Variants in CEP63 observed in about 807,000 individuals in gnomAD.
CEP63 encodes centrosomal protein 63.
In CEP63, 84 loss-of-function variants were observed where a neutral mutation model predicts 89.1. That is an observed-to-expected ratio of 0.94 (90% CI 0.79 to 1.13). The LOEUF (loss-of-function observed/expected upper bound fraction) is 1.13, where lower values mean the gene tolerates loss of function less well. Among genes scored for constraint, CEP63 ranks in the 50% most tolerant of loss-of-function variants. The probability of loss-of-function intolerance (pLI) is 0.00; values close to 1 mark genes in which losing one functional copy is unlikely to be tolerated. For missense variants in CEP63, 838 were observed against 813.3 expected (o/e 1.03, Z -0.37); for synonymous variants, 267 against 272.5 (o/e 0.98, Z 0.20).
the CEP63 span, among the ~76,000 whole-genome samples, chr3:134,745,539 T>A: frequency 6.6e-6 from 1 of 152,194 alleles, no homozygotes; most frequent in East Asian, 1.9e-4. Flanking sequence ...TTTTTTAAAA[T>A]TATTATTATT....
the CEP63 span, among the ~76,000 whole-genome samples, chr3:134,742,378 G>T: frequency 6.6e-6 from 1 of 152,172 alleles, no homozygotes; most frequent in East Asian, 1.9e-4. Context: ...AGGAACATGG[G>T]TGTGGGTGGG....
At chr3:134,637,922 T>A in the CEP63 span, among the ~76,000 whole-genome samples, 1 of 152,232 alleles carries the variant, frequency 6.6e-6, no homozygotes, top group African/African-American at 2.4e-5. Flanking sequence ...GCCCAGATGC[T>A]CCAGCCATCA....
At chr3:134,523,550 T>G (rs1947972143) in intron 3 of CEP63, among the ~76,000 whole-genome samples, 1 of 152,206 alleles carries the variant, frequency 6.6e-6, no homozygotes, top group Admixed American at 6.5e-5. Context: ...TTAATCCATC[T>G]TGAGTTAATT....
intron 12 of CEP63, chr3:134,552,377 A>G (rs1289887591): frequency 2.4e-5 from 4 of 165,666 alleles, no homozygotes; most frequent in Non-Finnish European, 5.3e-5. Context: ...CTGATGTTGT[A>G]TTTTCAGTAG....
the CEP63 span, among the ~76,000 whole-genome samples, chr3:134,703,337 G>C: frequency 1.3e-5 from 2 of 149,606 alleles, no homozygotes; most frequent in Non-Finnish European, 3.0e-5. Context: ...TGTGTTTATT[G>C]CAGCACTATT....
At chr3:134,504,793 T>C (rs566454142) in intron 2 of CEP63, among the ~76,000 whole-genome samples, 1 of 152,284 alleles carries the variant, frequency 6.6e-6, no homozygotes, top group East Asian at 1.9e-4. Context: ...TTCTTTTTTC[T>C]TTTTTATTCT....
At chr3:134,694,810 T>G in the CEP63 span, among the ~76,000 whole-genome samples, 4 of 152,234 alleles carry the variant, frequency 2.6e-5, no homozygotes, top group Non-Finnish European at 5.9e-5. Context: ...AAGTTTTTCT[T>G]TCTCAGCATG....
At chr3:134,572,019 G>A (rs1448409295) in intron 11 of CEP63, among the ~76,000 whole-genome samples, 1 of 152,170 alleles carries the variant, frequency 6.6e-6, no homozygotes, top group African/African-American at 2.4e-5. Context: ...TTCAGTCAGA[G>A]GTTATTGAAA....
chr3:134,689,658 TG>T, the CEP63 span, among the ~76,000 whole-genome samples: 6 of 152,028 alleles, frequency 3.9e-5, no homozygotes, highest in African/African-American at 2.4e-5. Flanking sequence ...TTTGCAATGT[TG>T]GTTAGGCTGG....
the CEP63 span, among the ~76,000 whole-genome samples, chr3:134,748,063 C>T: frequency 6.6e-6 from 1 of 152,166 alleles, no homozygotes; most frequent in Non-Finnish European, 1.5e-5. Flanking sequence ...GGATTACAGG[C>T]ATGAGCCACC....
chr3:134,545,491 A>G, intron 6 of CEP63, 95 bp from the exon 7 acceptor site: 1 of 913,776 alleles, frequency 1.1e-6, no homozygotes, highest in Non-Finnish European at 1.8e-6. Flanking sequence ...CCAATGCTTT[A>G]TGTTTTTATG....
chr3:134,744,545 G>A, the CEP63 span, among the ~76,000 whole-genome samples: 2 of 152,282 alleles, frequency 1.3e-5, no homozygotes, highest in South Asian at 2.1e-4. Flanking sequence ...GGAAAGGAAA[G>A]GAATGAATTA....
the CEP63 span, among the ~76,000 whole-genome samples, chr3:134,718,093 G>A: frequency 6.6e-6 from 1 of 152,178 alleles, no homozygotes; most frequent in Non-Finnish European, 1.5e-5. Flanking sequence ...TGGAGGGTCT[G>A]TTAAATCCAA....
chr3:134,546,954 A>G (rs1160436585), intron 8 of CEP63, among the ~76,000 whole-genome samples: 1 of 152,222 alleles, frequency 6.6e-6, no homozygotes, highest in Non-Finnish European at 1.5e-5. Context: ...GCTTATCATT[A>G]ATAGCAGCCA....
At chr3:134,620,896 G>A in the CEP63 span, 3,596 of 1,301,912 alleles carry the variant, frequency 2.8e-3, 99 homozygotes, top group South Asian at 0.041. Context: ...AGGGCCTCGA[G>A]GAGGGGCTGT....
At chr3:134,711,851 C>A in the CEP63 span, among the ~76,000 whole-genome samples, 1 of 151,596 alleles carries the variant, frequency 6.6e-6, no homozygotes, top group Non-Finnish European at 1.5e-5. Context: ...TAACCTCTGC[C>A]CCCTGGGTTC....
the CEP63 span, among the ~76,000 whole-genome samples, chr3:134,750,610 G>C: frequency 2.6e-5 from 4 of 152,160 alleles, no homozygotes; most frequent in Non-Finnish European, 4.4e-5. Flanking sequence ...CAGAACTGCA[G>C]CCTCCCCTTG....
intron 3 of CEP63, among the ~76,000 whole-genome samples, chr3:134,511,860 A>C (rs1467788296): frequency 2.0e-5 from 3 of 152,228 alleles, no homozygotes; most frequent in Non-Finnish European, 4.4e-5. Flanking sequence ...ACTACAGTTC[A>C]ACATGAGATT....
chr3:134,697,316 G>A, the CEP63 span, among the ~76,000 whole-genome samples: 2 of 152,136 alleles, frequency 1.3e-5, no homozygotes, highest in Non-Finnish European at 2.9e-5. Flanking sequence ...GTGTTGGGTG[G>A]AGGCTTTGTC....
Sources: gnomAD v4.1 joint callset for allele counts (sites outside exome capture counted in the v4.1 genomes callset) on GRCh38, gnomAD v4.1.1 for gene constraint, MANE v1.5 for transcripts, NCBI Gene and HGNC (gene_info 2026-07-23, HGNC 2026-07-21) for gene names.